The following DIS3L2 variants were observed in gnomAD, a reference collection of about 807,000 sequenced individuals.
DIS3L2 encodes DIS3-like exonuclease 2.
DIS3L2 carries 34 observed loss-of-function variants against 97.5 expected under a neutral mutation model. The ratio of observed to expected loss-of-function variants is 0.35; its 90% CI spans 0.27 to 0.46. The LOEUF is 0.46. Ranked by LOEUF, DIS3L2 falls within the 20% of genes least tolerant of loss-of-function variation. DIS3L2 has a pLI of 1.00. For synonymous variants in DIS3L2, 435 were observed against 445.2 expected, an observed-to-expected ratio of 0.98 and a Z score of 0.29; for missense variants, 1,038 against 1,146.0, an observed-to-expected ratio of 0.91 and a Z score of 1.36.
intron 1 of DIS3L2, among the ~76,000 whole-genome samples, chr2:232,005,634 C>T (rs1574804649): frequency 6.6e-6 from 1 of 152,328 alleles, no homozygotes; most frequent in East Asian, 1.9e-4. Flanking sequence ...TCCTACTCCT[C>T]CCAACAGCCT....
intron 6 of DIS3L2, 84 bp downstream of exon 6, chr2:232,087,805 C>A: frequency 1.8e-6 from 2 of 1,107,974 alleles, no homozygotes; most frequent in South Asian, 1.5e-5. Flanking sequence ...GAGTAAATAA[C>A]ACAATGCCAT....
At chr2:232,057,632 G>A (rs1157279770) in intron 5 of DIS3L2, among the ~76,000 whole-genome samples, 1 of 151,998 alleles carries the variant, frequency 6.6e-6, no homozygotes, top group Non-Finnish European at 1.5e-5. Flanking sequence ...GACCCTAATC[G>A]TTAAACCATA....
intron 1 of DIS3L2, among the ~76,000 whole-genome samples, chr2:231,994,768 T>C (rs921053491): frequency 2.6e-5 from 4 of 152,018 alleles, no homozygotes; most frequent in African/African-American, 9.7e-5. Flanking sequence ...GTAAGTTTCT[T>C]TCGCTTGTGT....
intron 5 of DIS3L2, among the ~76,000 whole-genome samples, chr2:232,056,148 A>G (rs1443243203): frequency 6.6e-6 from 1 of 152,186 alleles, no homozygotes; most frequent in Non-Finnish European, 1.5e-5. Context: ...AGGCAGGCAG[A>G]TCACCTGAGG....
intron 10 of DIS3L2, among the ~76,000 whole-genome samples, chr2:232,237,824 G>C (rs1323090847): frequency 6.6e-6 from 1 of 152,126 alleles, no homozygotes; most frequent in Non-Finnish European, 1.5e-5. Flanking sequence ...GGCAGATCCT[G>C]TTAAGACTAT....
chr2:232,139,559 G>A (rs1698454103), intron 8 of DIS3L2, among the ~76,000 whole-genome samples: 1 of 152,170 alleles, frequency 6.6e-6, no homozygotes, highest in Non-Finnish European at 1.5e-5. Flanking sequence ...TCCTGGGAAA[G>A]AGCGTGGATA....
intron 10 of DIS3L2, among the ~76,000 whole-genome samples, chr2:232,231,017 T>C (rs972386191): frequency 6.6e-6 from 1 of 152,202 alleles, no homozygotes; most frequent in East Asian, 1.9e-4. Flanking sequence ...TGTTTCCTCA[T>C]AGACACCTTT....
intron 6 of DIS3L2, among the ~76,000 whole-genome samples, chr2:232,091,197 G>A (rs980744379): frequency 1.3e-5 from 2 of 152,198 alleles, no homozygotes; most frequent in African/African-American, 2.4e-5. Context: ...TATCAAATGC[G>A]TAAATGGCTT....
At chr2:232,056,006 T>G (rs143404170) in intron 5 of DIS3L2, among the ~76,000 whole-genome samples, 1 of 152,138 alleles carries the variant, frequency 6.6e-6, no homozygotes, top group African/African-American at 2.4e-5. Context: ...GGTAGAACAG[T>G]AAAGCTTTTC....
At chr2:232,079,673 CA>C (rs1247853518) in intron 5 of DIS3L2, among the ~76,000 whole-genome samples, 3 of 143,124 alleles carry the variant, frequency 2.1e-5, no homozygotes, top group Admixed American at 7.0e-5. Flanking sequence ...GAAATGATAG[CA>C]AGGTGGGGCT....
chr2:232,203,371 T>C (rs1367244075), intron 9 of DIS3L2, among the ~76,000 whole-genome samples: 2 of 152,184 alleles, frequency 1.3e-5, no homozygotes, highest in Non-Finnish European at 1.5e-5. Context: ...AACACTGTTT[T>C]ATGAGAAAAG....
At chr2:232,011,633 G>T (rs1242024985) in intron 1 of DIS3L2, among the ~76,000 whole-genome samples, 1 of 151,668 alleles carries the variant, frequency 6.6e-6, no homozygotes, top group African/African-American at 2.4e-5. Flanking sequence ...GATTACAGGC[G>T]TGAGCCACTG....
intron 10 of DIS3L2, among the ~76,000 whole-genome samples, chr2:232,219,216 A>AC (rs1692428605): frequency 6.6e-6 from 1 of 152,180 alleles, no homozygotes; most frequent in Non-Finnish European, 1.5e-5. Context: ...TATAGCAATA[A>AC]CCATCATTAC....
intron 14 of DIS3L2, among the ~76,000 whole-genome samples, chr2:232,328,267 C>CAA (rs1695631842): frequency 6.6e-6 from 1 of 152,174 alleles, no homozygotes; most frequent in South Asian, 2.1e-4. Flanking sequence ...TGAGCCAGCC[C>CAA]AAAAAAGTCC....
At chr2:232,082,470 T>C (rs185292644) in intron 5 of DIS3L2, among the ~76,000 whole-genome samples, 209 of 152,238 alleles carry the variant, frequency 1.4e-3, no homozygotes, top group Non-Finnish European at 2.7e-3. Context: ...CGTAGGAGCA[T>C]GAACTCTACT....
chr2:232,250,585 G>A (rs777068443), intron 12 of DIS3L2, among the ~76,000 whole-genome samples: 22 of 152,112 alleles, frequency 1.4e-4, no homozygotes, highest in Non-Finnish European at 2.8e-4. Flanking sequence ...GTGGGGGAGA[G>A]TGAGGCTAAC....
chr2:231,971,759 T>A (rs1452155163), intron 1 of DIS3L2, among the ~76,000 whole-genome samples: 1 of 151,776 alleles, frequency 6.6e-6, no homozygotes, highest in Non-Finnish European at 1.5e-5. Flanking sequence ...TTTTTGTATT[T>A]TTAGTAGAGA....
At chr2:232,175,138 A>G (rs1258849900) in intron 9 of DIS3L2, among the ~76,000 whole-genome samples, 1 of 152,072 alleles carries the variant, frequency 6.6e-6, no homozygotes, top group South Asian at 2.1e-4. Flanking sequence ...CAGTCTTTCA[A>G]TATTAATTGT....
chr2:232,271,818 G>A (rs957828545), intron 13 of DIS3L2, among the ~76,000 whole-genome samples: 5 of 152,114 alleles, frequency 3.3e-5, no homozygotes, highest in Non-Finnish European at 5.9e-5. Flanking sequence ...TTCAGCCGTC[G>A]CGGGTGTTGG....
Sources: allele counts gnomAD v4.1 joint callset (sites outside exome capture counted in the v4.1 genomes callset), GRCh38; gene constraint gnomAD v4.1.1; transcripts MANE v1.5; gene names NCBI Gene and HGNC (gene_info 2026-07-23, HGNC 2026-07-21).